The following HEATR9 variants were observed in gnomAD, a reference collection of about 807,000 sequenced individuals.
The protein encoded by HEATR9 is HEAT repeat containing 9.
HEATR9 carries 54 observed loss-of-function variants against 68.2 expected under a neutral mutation model. The observed-to-expected ratio is 0.79, with a 90% CI of 0.64 to 0.99. HEATR9 has a LOEUF of 0.99. HEATR9 is among the 50% of genes least tolerant of loss of function. HEATR9 has a pLI of 0.00. For missense variants in HEATR9, 662 were observed against 679.7 expected, an observed-to-expected ratio of 0.97 and a Z score of 0.29; for synonymous variants, 241 against 253.5, an observed-to-expected ratio of 0.95 and a Z score of 0.47.
chr17:35,859,832 C>A (rs2087913656), intron 8 of HEATR9, among the ~76,000 whole-genome samples: 1 of 152,196 alleles, frequency 6.6e-6, no homozygotes, highest in African/African-American at 2.4e-5. Flanking sequence ...TCTCACTCTT[C>A]CAATTCACAC....
intron 5 of HEATR9, 50 bp downstream of exon 5, chr17:35,864,447 T>G (rs751200279): frequency 1.1e-5 from 17 of 1,597,670 alleles, no homozygotes; most frequent in Middle Eastern, 3.4e-4. Context: ...CTTTCCAGCT[T>G]GGCCAACTCC....
At chr17:35,864,146 C>T (rs748810687) in intron 6 of HEATR9, 100 bp downstream of exon 6, 15 of 969,802 alleles carry the variant, frequency 1.5e-5, no homozygotes, top group Middle Eastern at 2.3e-4. Flanking sequence ...GGATCTGACC[C>T]GCCATCCTAG....
At chr17:35,860,978 C>T (rs939808662) in intron 8 of HEATR9, 5 of 522,662 alleles carry the variant, frequency 9.6e-6, no homozygotes, top group East Asian at 3.8e-5. Flanking sequence ...TCCGGGAGGC[C>T]GAGGTTGCAG....
chr17:35,863,247 G>T, intron 7 of HEATR9, 122 bp from the exon 8 acceptor site: 4 of 1,326,100 alleles, frequency 3.0e-6, no homozygotes, highest in Non-Finnish European at 4.2e-6. Flanking sequence ...CCACAGTGTT[G>T]CTCATCTTCC....
intron 2 of HEATR9, 96 bp downstream of exon 2, chr17:35,866,628 C>T: frequency 8.4e-7 from 1 of 1,184,232 alleles, no homozygotes; most frequent in Non-Finnish European, 1.3e-6. Flanking sequence ...GGGTAAATGT[C>T]AGGGTTCTGT....
Position 35,868,809 on chromosome 17 carries a change from G to A in HEATR9, c.-67C>T, listed in dbSNP as rs139675602. On this transcript the variant is annotated 5_prime_UTR_variant, in exon 1 of 15. Transcript: ENST00000604834. Reference sequence around the variant, plus strand: ...ATACAAGGCTTTTAGGGGAGTGGGGGCACAGCTGGAGGAGACCTGTCCTCT... The same window carrying A: ...ATACAAGGCTTTTAGGGGAGTGGGGACACAGCTGGAGGAGACCTGTCCTCT... The A allele has an allele frequency of 1.3e-3, 1,859 of 1,424,474 alleles. 18 individuals carry two copies. The East Asian group carries it at 0.022, about 17-fold the overall frequency. The allele number at this position is 1,424,474 out of a possible 1,614,324, so 88.2% of individuals were successfully genotyped here.
At chr17:35,863,180 G>T (rs2088059961) in intron 7 of HEATR9, 55 bp from the exon 8 acceptor site, 4 of 1,607,668 alleles carry the variant, frequency 2.5e-6, no homozygotes, top group Non-Finnish European at 3.4e-6. Context: ...GCCCCTCTCT[G>T]CAAGGACCCA....
intron 12 of HEATR9, 151 bp from the exon 13 acceptor site, chr17:35,856,375 G>A (rs759112611): frequency 6.4e-7 from 1 of 1,571,404 alleles, no homozygotes; most frequent in African/African-American, 1.4e-5. Context: ...CAGAAAAGGG[G>A]CAGGGAGAGG....
At chr17:35,865,733 G>C (rs1302709727) in intron 2 of HEATR9, among the ~76,000 whole-genome samples, 1 of 152,178 alleles carries the variant, frequency 6.6e-6, no homozygotes, top group Admixed American at 6.5e-5. Context: ...TTGGTTAGTT[G>C]AGGATCTCAA....
At chr17:35,867,820 T>C (rs1286625775) in intron 1 of HEATR9, among the ~76,000 whole-genome samples, 1 of 152,168 alleles carries the variant, frequency 6.6e-6, no homozygotes, top group Non-Finnish European at 1.5e-5. Context: ...CTCTCTTGCC[T>C]GGGCTGCTGG....
At chr17:35,868,238 G>A (rs1471624259) in intron 1 of HEATR9, among the ~76,000 whole-genome samples, 2 of 152,196 alleles carry the variant, frequency 1.3e-5, no homozygotes, top group Non-Finnish European at 2.9e-5. Flanking sequence ...AACATGAGGG[G>A]TACCTAACCT....
At chr17:35,865,079 G>A in intron 3 of HEATR9, 136 bp downstream of exon 3, 1 of 1,305,632 alleles carries the variant, frequency 7.7e-7, no homozygotes, top group East Asian at 2.3e-5. Context: ...GCTGAGCCAA[G>A]CCGAGCCGCC....
rs151043500 is a variant in HEATR9 at position 35,861,485 on chromosome 17, C to G, written c.756+1510G>C. 1,160 of 1,360,984 alleles carry G rather than the reference C, an allele frequency of 8.5e-4. 5 individuals carry two copies. The African/African-American group carries it at 0.015, about 17-fold the overall frequency. 84.3% of individuals were successfully genotyped at this position (1,360,984 alleles called of 1,614,324 possible). The stretch of plus-strand genomic sequence containing the variant: ...CACTTAGATTTACAAAATCTGAACA[C>G]CTTGCAGTCGTTGCGGACAAACATC... On this transcript the variant is annotated intron_variant, in intron 8 of 14. Transcript: ENST00000604834.
chr17:35,856,834 A>T, intron 11 of HEATR9, 29 bp from the exon 12 acceptor site: 1 of 1,575,782 alleles, frequency 6.3e-7, no homozygotes, highest in Non-Finnish European at 8.6e-7. Context: ...GAGTCAACAG[A>T]GAGAGGGAAT....
intron 8 of HEATR9, 59 bp from the exon 9 acceptor site, chr17:35,859,129 G>A: frequency 7.0e-7 from 1 of 1,435,766 alleles, no homozygotes; most frequent in Non-Finnish European, 9.7e-7. Context: ...CAGGCTTTGT[G>A]CTTCCAGACT....
Sources: allele counts gnomAD v4.1 joint callset (sites outside exome capture counted in the v4.1 genomes callset), GRCh38; gene constraint gnomAD v4.1.1; transcripts MANE v1.5; gene names NCBI Gene and HGNC (gene_info 2026-07-23, HGNC 2026-07-21).